Variants in GOLGA4 observed in about 807,000 individuals in gnomAD.
GOLGA4 encodes golgin subfamily A member 4.
A neutral mutation model predicts 265.9 loss-of-function variants in GOLGA4; 169 were observed. The ratio of observed to expected loss-of-function variants is 0.64; its 90% CI spans 0.56 to 0.72. The LOEUF (loss-of-function observed/expected upper bound fraction) is 0.72. Ranked by LOEUF, GOLGA4 falls within the 30% of genes least tolerant of loss-of-function variation. The pLI is 0.00. For missense variants in GOLGA4, 2,482 were observed against 2,483.4 expected (o/e 1.00, Z 0.01); for synonymous variants, 923 against 855.8 (o/e 1.08, Z -1.37).
intron 16 of GOLGA4, among the ~76,000 whole-genome samples, chr3:37,331,360 G>A (rs2096989635): frequency 6.6e-6 from 1 of 152,148 alleles, no homozygotes; most frequent in South Asian, 2.1e-4. Context: ...CAACTGCTAG[G>A]ACTAGGGCTG....
chr3:37,355,144 A>G lies in GOLGA4; in HGVS notation c.6620A>G (p.Asp2207Gly), dbSNP rs2097087111. 6.2e-7 allele frequency: 1 copy of G among 1,609,538 alleles called. No individual in the cohort carries two copies. The highest frequency in any genetic ancestry group is 1.3e-5 in the African/African-American group (1 of 74,798). ...VITTVLKFPD[D>G]QTQKILERED... is the part of the protein sequence containing the mutation. Reference sequence around the variant, plus strand: ...ACCACCGTACTGAAGTTCCCTGATGATCAGACTCAGAAAATTTTGGAAAGA... The same window carrying G: ...ACCACCGTACTGAAGTTCCCTGATGGTCAGACTCAGAAAATTTTGGAAAGA... Residue 2207 changes from aspartate (D) to glycine (G), a missense_variant, in exon 22 of 24, where the codon GAT becomes GGT. By Grantham distance (94) the Asp-to-Gly change is moderately conservative. This residue lies in a region of GOLGA4 where 942 missense variants were observed against 983.1 expected (regional missense o/e 0.96). Coordinates refer to ENST00000361924, the MANE Select transcript of GOLGA4 (RefSeq NM_002078.5).
intron 1 of GOLGA4, among the ~76,000 whole-genome samples, chr3:37,244,848 T>C (rs2096714740): frequency 6.6e-6 from 1 of 152,230 alleles, no homozygotes; most frequent in Admixed American, 6.5e-5. Context: ...TCATACCATC[T>C]ATTGCAGTCA....
At chr3:37,255,765 T>G (rs928588602) in intron 2 of GOLGA4, among the ~76,000 whole-genome samples, 9 of 144,408 alleles carry the variant, frequency 6.2e-5, no homozygotes, top group African/African-American at 1.8e-4. Context: ...TTTTTTTTTG[T>G]TTTTTGAGAC....
intron 10 of GOLGA4, among the ~76,000 whole-genome samples, chr3:37,304,087 GA>G (rs1040724538): frequency 1.3e-5 from 2 of 151,216 alleles, no homozygotes; most frequent in Non-Finnish European, 3.0e-5. Context: ...ACATAAATGA[GA>G]AAAAAAAAGT....
At chr3:37,248,217 G>A (rs1436187890) in intron 1 of GOLGA4, among the ~76,000 whole-genome samples, 1 of 152,120 alleles carries the variant, frequency 6.6e-6, no homozygotes, top group Non-Finnish European at 1.5e-5. Context: ...TCAAGTGATC[G>A]TCTTGCCTTG....
At chr3:37,312,773 C>G (rs1289667362) in intron 10 of GOLGA4, among the ~76,000 whole-genome samples, 3 of 152,132 alleles carry the variant, frequency 2.0e-5, no homozygotes. Context: ...ATCCTCCCAC[C>G]TTGGCCTCCC....
At position 37,299,290 on chromosome 3, in the gene GOLGA4, C is replaced by T. The variant is rs1191541038; in HGVS notation, c.1005C>T (p.Asp335=). ...ERLQELEKIK[D]LHMAEKTKLI... ...ATGAATTTAAAAATTTTTTTTAGGA[C>T]CTTCATATGGCCGAGAAGACTAAAC... Residue 335 remains aspartate, a splice_region_variant and synonymous_variant, in exon 9 of 24, where the codon GAC becomes GAT. Transcript: ENST00000361924. The T allele has an allele frequency of 6.2e-7, 1 of 1,604,586 alleles. No homozygotes were observed. Among genetic ancestry groups the T allele is most frequent in the South Asian group, 1.1e-5 (1 of 90,544 alleles).
intron 11 of GOLGA4, among the ~76,000 whole-genome samples, chr3:37,316,459 A>G (rs1303305646): frequency 6.6e-6 from 1 of 152,112 alleles, no homozygotes; most frequent in Non-Finnish European, 1.5e-5. Context: ...GGGGCAAATT[A>G]TATTTCTTTC....
At position 37,337,158 on chromosome 3, in the gene GOLGA4, C is replaced by A; in HGVS notation, c.6322C>A (p.Leu2108Ile). Residue 2108 changes from leucine to isoleucine, a missense_variant, in exon 18 of 24, where the codon CTA becomes ATA. Physicochemically the swap from Leu to Ile is conservative, Grantham distance 5. Coordinates refer to ENST00000361924, the MANE Select transcript of GOLGA4 (RefSeq NM_002078.5). ...PGNDNVTIME[L>I]QTQLAQKTTL... is the part of the protein sequence containing the mutation. ...ATTTTTTCAGGTAACAATTATGGAG[C>A]TACAGGTAAGGCTAGTTCTTCTTTT... 2 of 1,435,016 alleles carry A rather than the reference C, an allele frequency of 1.4e-6. No homozygotes were observed. The highest frequency in any genetic ancestry group is 1.9e-6 in the Non-Finnish European group (2 of 1,032,854). 88.9% of individuals were successfully genotyped at this position (1,435,016 alleles called of 1,614,324 possible). A position where few individuals can be genotyped will look rare whatever the true frequency, so the allele number is the denominator to read the frequency against.
At chr3:37,260,157 TA>T (rs11359349) in intron 2 of GOLGA4, among the ~76,000 whole-genome samples, 55,408 of 123,926 alleles carry the variant, frequency 0.45, 11,306 homozygotes, top group African/African-American at 0.55. Context: ...GTTGATGAGC[TA>T]AAAAAAAAAA....
At position 37,328,541 on chromosome 3, in the gene GOLGA4, A is replaced by G. The variant is rs1559442605; in HGVS notation, c.6061+4A>G. 1 of 1,607,064 alleles carries G rather than the reference A, an allele frequency of 6.2e-7. No individual in the cohort carries two copies. On this transcript the variant is annotated splice_donor_region_variant and intron_variant, in intron 15 of 23. Coordinates refer to ENST00000361924, the MANE Select transcript of GOLGA4 (RefSeq NM_002078.5). The stretch of plus-strand genomic sequence containing the variant: ...ATGACCATAAAAGAAACTATCAGTA[A>G]GTAAAATTAAGTTCCATAAGGAACA...
chr3:37,318,420 T>C (rs1218416472), intron 11 of GOLGA4, among the ~76,000 whole-genome samples: 1 of 152,176 alleles, frequency 6.6e-6, no homozygotes, highest in Non-Finnish European at 1.5e-5. Context: ...CTCTGTGCTG[T>C]TCTATTGCTT....
chr3:37,315,366 TAGCTC>T, intron 10 of GOLGA4, 49 bp from the exon 11 acceptor site: 6 of 1,466,060 alleles, frequency 4.1e-6, no homozygotes, highest in Non-Finnish European at 5.6e-6. Flanking sequence ...TAAAACACTT[TAGCTC>T]AATGATAATA....
Position 37,296,068 on chromosome 3 carries a change from T to G in GOLGA4, c.682-19T>G. The G allele has an allele frequency of 1.2e-6, 2 of 1,611,194 alleles. No homozygotes were observed. Among genetic ancestry groups the G allele is most frequent in the Non-Finnish European group, 1.7e-6 (2 of 1,177,500 alleles). Reference sequence around the variant, plus strand: ...ATAGTTTTTTTTGACTTTTTTCTAATGAAGCACATTTATATTAGGTTTCTC... The same window carrying G: ...ATAGTTTTTTTTGACTTTTTTCTAAGGAAGCACATTTATATTAGGTTTCTC... On this transcript the variant is annotated intron_variant, in intron 6 of 23. Coordinates refer to ENST00000361924, the MANE Select transcript of GOLGA4 (RefSeq NM_002078.5).
intron 16 of GOLGA4, among the ~76,000 whole-genome samples, chr3:37,331,448 C>G (rs542850842): frequency 2.6e-5 from 4 of 152,224 alleles, no homozygotes; most frequent in African/African-American, 7.2e-5. Context: ...TTAAAAAATG[C>G]AAATACTACT....
intron 2 of GOLGA4, among the ~76,000 whole-genome samples, chr3:37,275,235 A>AG (rs1313991058): frequency 7.7e-4 from 116 of 150,104 alleles, no homozygotes; most frequent in African/African-American, 2.5e-3. Flanking sequence ...AAAAAAAAAA[A>AG]AAAAAAGAAA....
At chr3:37,263,213 C>T (rs187087314) in intron 2 of GOLGA4, among the ~76,000 whole-genome samples, 29 of 152,274 alleles carry the variant, frequency 1.9e-4, no homozygotes, top group Non-Finnish European at 1.3e-4. Flanking sequence ...TAGTTTGTAG[C>T]GTAGGAGCAA....
At position 37,325,630 on chromosome 3, in the gene GOLGA4, T is replaced by TAA. The variant is rs1559433989; in HGVS notation, c.3745_3746insAA (p.Arg1249LysfsTer18). The TAA allele has an allele frequency of 6.2e-7, 1 of 1,613,816 alleles. No individual in the cohort carries two copies. Among genetic ancestry groups the TAA allele is most frequent in the Non-Finnish European group, 8.5e-7 (1 of 1,179,734 alleles). On this transcript the variant is annotated frameshift_variant, in exon 14 of 24. Coordinates refer to ENST00000361924, the MANE Select transcript of GOLGA4 (RefSeq NM_002078.5). LOFTEE classifies it high-confidence loss of function. ...GTAGTAAAACTAATGCCATTCTTTC[T>TAA]AGGATTTCTCATTGTCAGCACCGTA... is the stretch of plus-strand genomic sequence containing the variant.
intron 2 of GOLGA4, among the ~76,000 whole-genome samples, chr3:37,268,723 C>T (rs2096790221): frequency 6.6e-6 from 1 of 152,158 alleles, no homozygotes; most frequent in Non-Finnish European, 1.5e-5. Flanking sequence ...AGATGCGCAC[C>T]ACCATACCTG....
Sources: allele counts gnomAD v4.1 joint callset (sites outside exome capture counted in the v4.1 genomes callset), GRCh38; gene constraint gnomAD v4.1.1; regional missense constraint gnomAD v4.1.1; transcripts MANE v1.5; gene names NCBI Gene and HGNC (gene_info 2026-07-23, HGNC 2026-07-21).